Variants in UVRAG observed in about 807,000 individuals in gnomAD.
UVRAG encodes the protein UV radiation resistance-associated gene protein.
A neutral mutation model predicts 78.0 loss-of-function variants in UVRAG; 19 were observed. The ratio of observed to expected loss-of-function variants is 0.24; its 90% CI spans 0.17 to 0.36. The LOEUF (loss-of-function observed/expected upper bound fraction) is 0.36, where lower values mean the gene tolerates loss of function less well. Ranked by LOEUF, UVRAG falls within the 10% of genes least tolerant of loss-of-function variation. UVRAG has a pLI of 1.00. For synonymous variants in UVRAG, 323 were observed against 324.6 expected (o/e 1.00, Z 0.05); for missense variants, 740 against 853.8 (o/e 0.87, Z 1.66).
At chr11:75,981,788 T>G (rs1442978354) in intron 7 of UVRAG, among the ~76,000 whole-genome samples, 2 of 152,186 alleles carry the variant, frequency 1.3e-5, no homozygotes, top group Admixed American at 1.3e-4. Context: ...CAGTATTCTG[T>G]TCACAGACTT....
chr11:75,880,180 C>CT lies in UVRAG; in HGVS notation c.432+142dup, dbSNP rs1396653975. ...GTTTACTTATATCACTAAGAGAGAC[C>CT]TTGATGATCATTTACATATGTTATT... On this transcript the variant is annotated intron_variant, in intron 4 of 14. Coordinates refer to ENST00000356136, the MANE Select transcript of UVRAG (RefSeq NM_003369.4). The CT allele has an allele frequency of 6.7e-6, 6 of 901,150 alleles. No homozygotes were observed. In the African/African-American group the frequency reaches 8.4e-5, roughly 13 times the overall value. 55.8% of individuals were successfully genotyped at this position (901,150 alleles called of 1,614,324 possible).
intron 1 of UVRAG, among the ~76,000 whole-genome samples, chr11:75,817,177 A>C (rs1945277643): frequency 6.6e-6 from 1 of 152,044 alleles, no homozygotes; most frequent in South Asian, 2.1e-4. Context: ...AGAGTGTGAG[A>C]GTGGTTACTG....
At chr11:76,092,240 A>C (rs965963836) in intron 13 of UVRAG, among the ~76,000 whole-genome samples, 16 of 152,122 alleles carry the variant, frequency 1.1e-4, no homozygotes, top group East Asian at 7.7e-4. Context: ...TCTATCATTG[A>C]TGGACATTTG....
At chr11:75,886,659 G>T (rs547759655) in intron 4 of UVRAG, among the ~76,000 whole-genome samples, 3 of 152,260 alleles carry the variant, frequency 2.0e-5, no homozygotes, top group Admixed American at 6.5e-5. Flanking sequence ...GGATAAACAG[G>T]GAGTATGTGA....
chr11:76,071,403 G>A (rs1455835221), intron 13 of UVRAG, among the ~76,000 whole-genome samples: 2 of 152,176 alleles, frequency 1.3e-5, no homozygotes, highest in African/African-American at 4.8e-5. Flanking sequence ...TGGCAGGAGT[G>A]TAGTAATTGA....
chr11:76,076,612 T>C (rs1951408667), intron 13 of UVRAG, among the ~76,000 whole-genome samples: 1 of 152,136 alleles, frequency 6.6e-6, no homozygotes, highest in Non-Finnish European at 1.5e-5. Context: ...AATTGCTCTG[T>C]ATCCTCACCA....
At chr11:75,964,797 G>A (rs1012264615) in intron 7 of UVRAG, among the ~76,000 whole-genome samples, 3 of 152,186 alleles carry the variant, frequency 2.0e-5, no homozygotes, top group African/African-American at 7.2e-5. Flanking sequence ...TATCACGTAC[G>A]TAAGGGTAAT....
At chr11:75,835,217 A>T (rs1208608670) in intron 1 of UVRAG, 1 of 152,212 alleles carries the variant, frequency 6.6e-6, no homozygotes. Context: ...CTTATTTTTT[A>T]AGACTAGTCA....
intron 12 of UVRAG, among the ~76,000 whole-genome samples, chr11:76,043,678 C>T (rs1006844516): frequency 6.6e-6 from 1 of 152,136 alleles, no homozygotes; most frequent in Admixed American, 6.5e-5. Flanking sequence ...ACAAATTATT[C>T]TTATGTCTAG....
intron 6 of UVRAG, among the ~76,000 whole-genome samples, chr11:75,959,615 A>G (rs1948871813): frequency 6.6e-6 from 1 of 152,200 alleles, no homozygotes; most frequent in Admixed American, 6.5e-5. Flanking sequence ...CATCAGCAAT[A>G]AGGCTGTTTT....
chr11:75,944,397 G>T (rs538465344), intron 6 of UVRAG, among the ~76,000 whole-genome samples: 26 of 152,298 alleles, frequency 1.7e-4, no homozygotes, highest in Admixed American at 1.2e-3. Flanking sequence ...ATGAAGAGGT[G>T]TAAGCTAAAT....
In UVRAG at chr11:76,125,420, G is replaced by A. The variant is rs1211158982; in HGVS notation, c.1397+9405G>A. Among the ~76,000 whole-genome samples the A allele has an allele frequency of 2.0e-5, 3 of 152,134 alleles. No individual in the cohort carries two copies. The East Asian group carries it at 5.8e-4, about 29-fold the overall frequency. On this transcript the variant is annotated intron_variant, in intron 14 of 14. Transcript: ENST00000356136. ...CTGTAGTATTTTAAAAGACCTTAGG[G>A]GACCAGGCTTCTTCCATAACTCATT... is the stretch of plus-strand genomic sequence containing the variant.
intron 14 of UVRAG, among the ~76,000 whole-genome samples, chr11:76,139,940 T>C (rs1008508590): frequency 1.3e-5 from 2 of 151,586 alleles, no homozygotes; most frequent in African/African-American, 2.4e-5. Context: ...GTAAAACATA[T>C]GTGTGGCTAG....
intron 1 of UVRAG, among the ~76,000 whole-genome samples, chr11:75,824,061 C>G (rs1945458431): frequency 6.6e-6 from 1 of 151,914 alleles, no homozygotes; most frequent in African/African-American, 2.4e-5. Context: ...TTTTCTATTA[C>G]TAAAAAAAAA....
At chr11:76,128,475 G>A (rs924181819) in intron 14 of UVRAG, among the ~76,000 whole-genome samples, 4 of 152,168 alleles carry the variant, frequency 2.6e-5, no homozygotes, top group Admixed American at 1.3e-4. Flanking sequence ...CTTCTGGATC[G>A]AATGCACTGT....
At chr11:75,992,723 A>G (rs1325342774) in intron 8 of UVRAG, among the ~76,000 whole-genome samples, 3 of 152,224 alleles carry the variant, frequency 2.0e-5, no homozygotes, top group Admixed American at 2.0e-4. Flanking sequence ...ATTCTATTCT[A>G]AACATATACT....
intron 12 of UVRAG, among the ~76,000 whole-genome samples, chr11:76,038,233 T>C (rs1408752178): frequency 1.3e-5 from 2 of 152,158 alleles, no homozygotes; most frequent in African/African-American, 4.8e-5. Flanking sequence ...ATTTATTGAT[T>C]AGACATCTTG....
intron 5 of UVRAG, among the ~76,000 whole-genome samples, chr11:75,909,145 A>G (rs1194442001): frequency 6.6e-6 from 1 of 151,904 alleles, no homozygotes; most frequent in Non-Finnish European, 1.5e-5. Flanking sequence ...TCCAGAAGTT[A>G]AAGAGCAGCC....
At chr11:76,008,055 C>T (rs1369162449) in intron 10 of UVRAG, among the ~76,000 whole-genome samples, 1 of 151,956 alleles carries the variant, frequency 6.6e-6, no homozygotes, top group Non-Finnish European at 1.5e-5. Flanking sequence ...CTGCAGGCGC[C>T]CGCCACCACG....
Sources: allele counts gnomAD v4.1 joint callset (sites outside exome capture counted in the v4.1 genomes callset), GRCh38; gene constraint gnomAD v4.1.1; transcripts MANE v1.5; gene names NCBI Gene and HGNC (gene_info 2026-07-23, HGNC 2026-07-21).